Variants in GRK5 observed in about 807,000 individuals in gnomAD.
The protein encoded by GRK5 is G protein-coupled receptor kinase 5, also known as g protein-coupled receptor kinase GRK5.
GRK5 carries 40 observed loss-of-function variants against 78.4 expected under a neutral mutation model. The ratio of observed to expected loss-of-function variants is 0.51; its 90% CI spans 0.40 to 0.66. GRK5 has a LOEUF of 0.66. Among genes scored for constraint, GRK5 ranks in the 30% least tolerant of loss-of-function variants. GRK5 has a pLI of 0.00. For missense variants in GRK5, 598 were observed against 759.9 expected (o/e 0.79, Z 2.50); for synonymous variants, 289 against 296.8 (o/e 0.97, Z 0.27).
chr10:119,308,334 C>T (rs556124565), intron 1 of GRK5, among the ~76,000 whole-genome samples: 1 of 151,790 alleles, frequency 6.6e-6, no homozygotes, highest in Admixed American at 6.5e-5. Flanking sequence ...CATGCTGCAG[C>T]CCTGCCGAAA....
chr10:119,310,033 G>T (rs182255126), intron 1 of GRK5, among the ~76,000 whole-genome samples: 1 of 152,252 alleles, frequency 6.6e-6, no homozygotes, highest in East Asian at 1.9e-4. Flanking sequence ...TCTCCGTGGC[G>T]CAGGCTTCCC....
intron 2 of GRK5, among the ~76,000 whole-genome samples, chr10:119,356,817 A>G (rs1475823907): frequency 6.6e-6 from 1 of 152,236 alleles, no homozygotes; most frequent in Non-Finnish European, 1.5e-5. Context: ...CAAGTTTTCA[A>G]TGCAATCTAC....
At chr10:119,303,494 A>T (rs1850220141) in intron 1 of GRK5, among the ~76,000 whole-genome samples, 2 of 152,128 alleles carry the variant, frequency 1.3e-5, no homozygotes, top group Admixed American at 1.3e-4. Flanking sequence ...AAGGGTCTCC[A>T]TGGGCCGGGA....
chr10:119,257,095 T>C (rs887142231), intron 1 of GRK5, among the ~76,000 whole-genome samples: 1 of 152,268 alleles, frequency 6.6e-6, no homozygotes, highest in Non-Finnish European at 1.5e-5. Context: ...TAATATTCCA[T>C]TGGATGGATG....
chr10:119,438,565 A>G (rs1852969523), intron 9 of GRK5, among the ~76,000 whole-genome samples: 1 of 151,228 alleles, frequency 6.6e-6, no homozygotes, highest in South Asian at 2.1e-4. Context: ...GGGTTGAACA[A>G]AGAATTCTCT....
At chr10:119,410,986 G>T (rs1241934136) in intron 4 of GRK5, among the ~76,000 whole-genome samples, 2 of 151,422 alleles carry the variant, frequency 1.3e-5, no homozygotes, top group African/African-American at 2.4e-5. Context: ...AACAGAGTTG[G>T]TCTCTGGGGT....
chr10:119,379,833 TCAGAGGAGAACA>T lies in GRK5; in HGVS notation c.149-975_149-964del, dbSNP rs1485743277. Reference sequence around the variant, plus strand: ...CAACTCCAGCATGCCCTTCTTGTTTTCAGAGGAGAACACAGAGGCCCAGAGAGGGCAAGTGAA... The same window carrying T: ...CAACTCCAGCATGCCCTTCTTGTTTTCAGAGGCCCAGAGAGGGCAAGTGAA... On this transcript the variant is annotated intron_variant, in intron 2 of 15. Coordinates refer to ENST00000392870, the MANE Select transcript of GRK5 (RefSeq NM_005308.3). This position sits in a 1 kb window ranked among gnomAD's most constrained non-coding sequence, Gnocchi z 4.1. Among the ~76,000 whole-genome samples the T allele has an allele frequency of 6.6e-6, 1 of 152,156 alleles. No homozygotes were observed. Among genetic ancestry groups the T allele is most frequent in the East Asian group, 1.9e-4 (1 of 5,192 alleles).
At chr10:119,441,441 C>T (rs1055732656) in intron 10 of GRK5, among the ~76,000 whole-genome samples, 19 of 152,324 alleles carry the variant, frequency 1.2e-4, no homozygotes, top group East Asian at 3.9e-4. Flanking sequence ...CAGCGTCTCC[C>T]GCTCTGGGGG....
intron 1 of GRK5, among the ~76,000 whole-genome samples, chr10:119,225,701 C>T (rs1287777671): frequency 2.7e-5 from 4 of 146,772 alleles, no homozygotes; most frequent in East Asian, 2.0e-4. Context: ...GATAGAGTCT[C>T]GCTCTGTCAC....
intron 2 of GRK5, among the ~76,000 whole-genome samples, chr10:119,356,462 T>C (rs1851263120): frequency 6.6e-6 from 1 of 152,210 alleles, no homozygotes; most frequent in African/African-American, 2.4e-5. Context: ...GTTTTTACCA[T>C]GTTCGTGGCT....
intron 3 of GRK5, among the ~76,000 whole-genome samples, chr10:119,383,244 G>A (rs994907405): frequency 1.3e-5 from 2 of 152,298 alleles, no homozygotes; most frequent in East Asian, 1.9e-4. Flanking sequence ...TTTCTTATAC[G>A]TTGCTAGTTG....
intron 1 of GRK5, among the ~76,000 whole-genome samples, chr10:119,281,544 A>G (rs1216242856): frequency 6.6e-6 from 1 of 152,122 alleles, no homozygotes; most frequent in Non-Finnish European, 1.5e-5. Context: ...CACAGCCTGT[A>G]TTTGAGCCAC....
At chr10:119,363,503 T>C (rs910010863) in intron 2 of GRK5, among the ~76,000 whole-genome samples, 3 of 152,186 alleles carry the variant, frequency 2.0e-5, no homozygotes, top group African/African-American at 7.2e-5. Context: ...AGACTAACAT[T>C]GGCCTAAACA....
intron 1 of GRK5, among the ~76,000 whole-genome samples, chr10:119,250,979 G>A (rs1046607415): frequency 2.6e-5 from 4 of 152,094 alleles, no homozygotes; most frequent in Admixed American, 6.5e-5. Flanking sequence ...TTCCATCAGC[G>A]CGTCTGCAAA....
At chr10:119,413,452 C>T (rs889293092) in intron 4 of GRK5, among the ~76,000 whole-genome samples, 5 of 151,738 alleles carry the variant, frequency 3.3e-5, no homozygotes, top group African/African-American at 1.2e-4. Flanking sequence ...ATATTGAGCA[C>T]CTACTATGTG....
chr10:119,336,867 C>G lies in GRK5; in HGVS notation c.148+10256C>G, dbSNP rs915127506. ...GGTTTGGAACATCAGGTGACCTGTC[C>G]GCAGCTGGAGCTCTCAGGAGGGAAG... On this transcript the variant is annotated intron_variant, in intron 2 of 15. Transcript: ENST00000392870. This position sits in a 1 kb window ranked among gnomAD's most constrained non-coding sequence, Gnocchi z 4.5. Among the ~76,000 whole-genome samples the G allele has an allele frequency of 6.6e-6, 1 of 152,172 alleles. No individual in the cohort carries two copies. The highest frequency in any genetic ancestry group is 2.4e-5 in the African/African-American group (1 of 41,430).
chr10:119,271,472 AACAG>A lies in GRK5; in HGVS notation c.53-55040_53-55037del, dbSNP rs1320931754. On this transcript the variant is annotated intron_variant, in intron 1 of 15. Transcript: ENST00000392870. This position sits in a 1 kb window ranked among gnomAD's most constrained non-coding sequence, Gnocchi z 4.1. ...TTGACTTCTTTGTTTAGCTCTAGTAAACAGACATTTAGCATATACAGATCTGCAC... is the reference window on the plus strand; with the variant it reads ...TTGACTTCTTTGTTTAGCTCTAGTAAACATTTAGCATATACAGATCTGCAC... Among the ~76,000 whole-genome samples, 18 of 152,308 alleles carry A rather than the reference AACAG, an allele frequency of 1.2e-4. No individual in the cohort carries two copies. The highest frequency in any genetic ancestry group is 1.9e-4 in the Non-Finnish European group (13 of 68,022).
Position 119,299,303 on chromosome 10 carries a change from G to A in GRK5, c.53-27213G>A, listed in dbSNP as rs1019041440. On this transcript the variant is annotated intron_variant, in intron 1 of 15. Transcript: ENST00000392870. ...ACTAAAAATGCAAAAAATTAGCCGG[G>A]CGGGGTGGCGGGCACCTGTAATTCC... Among the ~76,000 whole-genome samples, 4 of 152,200 alleles carry A rather than the reference G, an allele frequency of 2.6e-5. No homozygotes were observed. The East Asian group carries it at 7.7e-4, about 29-fold the overall frequency.
chr10:119,322,459 C>T (rs796904132), intron 1 of GRK5, among the ~76,000 whole-genome samples: 7 of 152,222 alleles, frequency 4.6e-5, no homozygotes, highest in African/African-American at 1.7e-4. Flanking sequence ...TGAGGTAACG[C>T]GTTGGATGTG....
Sources: allele counts gnomAD v4.1 joint callset (sites outside exome capture counted in the v4.1 genomes callset), GRCh38; gene constraint gnomAD v4.1.1; non-coding constraint Gnocchi (gnomAD v3.1); transcripts MANE v1.5; gene names NCBI Gene and HGNC (gene_info 2026-07-23, HGNC 2026-07-21).